Variants in SLC22A24 observed in about 807,000 individuals in gnomAD.
SLC22A24 encodes the protein steroid transmembrane transporter SLC22A24.
Under a neutral mutation model 49.8 loss-of-function variants are expected in SLC22A24, and 53 were observed. The observed-to-expected ratio is 1.06, with a 90% confidence interval of 0.85 to 1.34. The LOEUF (loss-of-function observed/expected upper bound fraction) is 1.34. SLC22A24 is among the 40% of genes most tolerant of loss of function. The pLI is 0.00. For missense variants in SLC22A24, 786 were observed against 675.9 expected, an observed-to-expected ratio of 1.16 and a Z score of -1.81; for synonymous variants, 302 against 256.4, an observed-to-expected ratio of 1.18 and a Z score of -1.70.
At position 63,115,963 on chromosome 11, in the gene SLC22A24, G is replaced by A. The variant is rs375177565; in HGVS notation, c.830+2949C>T. 5.3e-4 allele frequency: 170 copies of A among 320,014 alleles called. 3 individuals carry two copies. The South Asian group carries it at 7.2e-3, about 14-fold the overall frequency. The allele number at this position is 320,014 out of a possible 1,614,324, so 19.8% of individuals were successfully genotyped here. A position where few individuals can be genotyped will look rare whatever the true frequency, so the allele number is the denominator to read the frequency against. ...GGAGCTGCAGCCTGGGCCTTGGTTT[G>A]ACCCTTGGCCTTTGGCTGGCACTGC... On this transcript the variant is annotated intron_variant, in intron 4 of 9. Transcript: ENST00000612278.
rs894621927 is a variant in SLC22A24, at chr11:63,144,128, G to T, written c.-349C>A. On this transcript the variant is annotated 5_prime_UTR_variant, in exon 1 of 10. Coordinates refer to ENST00000612278, the MANE Select transcript of SLC22A24 (RefSeq NM_001136506.2). ...TGATAAGTCAACGGTGGATTTTCAGGTGGATGCAGTCCCCACGTGACCTAA... is the reference window on the plus strand; with the variant it reads ...TGATAAGTCAACGGTGGATTTTCAGTTGGATGCAGTCCCCACGTGACCTAA... The T allele has an allele frequency of 5.5e-6, 1 of 182,970 alleles. No homozygotes were observed. Among genetic ancestry groups the T allele is most frequent in the Non-Finnish European group, 1.1e-5 (1 of 88,662 alleles). The allele number at this position is 182,970 out of a possible 1,614,324, so 11.3% of individuals were successfully genotyped here.
chr11:63,104,377 C>G (rs1271007646), intron 4 of SLC22A24, 79 bp from the exon 5 acceptor site: 1 of 1,414,570 alleles, frequency 7.1e-7, no homozygotes, highest in Admixed American at 2.5e-5. Flanking sequence ...TTCCTTTCCC[C>G]TTTGATTTAA....
At chr11:63,110,007 C>A (rs893040580) in intron 4 of SLC22A24, among the ~76,000 whole-genome samples, 18 of 152,104 alleles carry the variant, frequency 1.2e-4, no homozygotes, top group African/African-American at 4.3e-4. Context: ...TTTAATCCAT[C>A]TTGAATTGAT....
chr11:63,139,121 G>C (rs767004043), intron 1 of SLC22A24, among the ~76,000 whole-genome samples: 1 of 152,102 alleles, frequency 6.6e-6, no homozygotes, highest in African/African-American at 2.4e-5. Flanking sequence ...TCTCTTCTTG[G>C]AACTTGTTTT....
At chr11:63,091,173 T>C (rs1274618529) in intron 6 of SLC22A24, among the ~76,000 whole-genome samples, 1 of 152,224 alleles carries the variant, frequency 6.6e-6, no homozygotes, top group Non-Finnish European at 1.5e-5. Flanking sequence ...AATAAATTTC[T>C]GGACACACAC....
chr11:63,142,828 C>T (rs1373564998), intron 1 of SLC22A24, among the ~76,000 whole-genome samples: 1 of 152,068 alleles, frequency 6.6e-6, no homozygotes, highest in South Asian at 2.1e-4. Context: ...TGGCTGCCCC[C>T]CAACCACCAA....
intron 4 of SLC22A24, among the ~76,000 whole-genome samples, chr11:63,114,829 C>T (rs1254478902): frequency 6.6e-6 from 1 of 152,192 alleles, no homozygotes; most frequent in Non-Finnish European, 1.5e-5. Flanking sequence ...AGCTGCAGGT[C>T]TGTTGGAGTT....
rs550709193 is a variant in SLC22A24 at position 63,119,222 on chromosome 11, C to G, written c.620G>C (p.Gly207Ala). 3 of 1,549,784 alleles carry G rather than the reference C, an allele frequency of 1.9e-6. No individual in the cohort carries two copies. The highest frequency in any genetic ancestry group is 1.4e-5 in the African/African-American group (1 of 72,862). The change falls in exon 3 of 10, where the codon GGG (glycine) becomes GCG (alanine). Residue 207 changes from glycine to alanine, a missense_variant. Coordinates refer to ENST00000612278, the MANE Select transcript of SLC22A24 (RefSeq NM_001136506.2). Reference protein sequence around the residue: ...LVYCILRFLAGFSTMTILGNT... With the variant: ...LVYCILRFLAAFSTMTILGNT... ...TCCCAAAATAGTCATGGTGGAGAACCCTGCCAAGAAGCGCAGTATGCAGTA... is the reference window on the plus strand; with the variant it reads ...TCCCAAAATAGTCATGGTGGAGAACGCTGCCAAGAAGCGCAGTATGCAGTA...
At chr11:63,100,599 A>G (rs568618408) in intron 5 of SLC22A24, among the ~76,000 whole-genome samples, 7 of 152,300 alleles carry the variant, frequency 4.6e-5, no homozygotes, top group Admixed American at 1.3e-4. Flanking sequence ...TAGAATAGCC[A>G]AAGCTACTCT....
In SLC22A24 at chr11:63,143,438, C is replaced by T. The variant is rs1419483592; in HGVS notation, c.342G>A (p.Glu114=). 1.3e-6 allele frequency: 2 copies of T among 1,566,564 alleles called. No individual in the cohort carries two copies. Among genetic ancestry groups the T allele is most frequent in the Admixed American group, 1.9e-5 (1 of 53,560 alleles). Residue 114 remains glutamate, a synonymous_variant, in exon 1 of 10, where the codon GAG becomes GAA. Transcript: ENST00000612278. ...TFPNTNEPDT[E]PCVDGWVYDR... is the part of the protein sequence containing the mutation. ...CGTACACCCAGCCATCCACACAGGGCTCCGTGTCTGGCTCATTTGTGTTGG... is the reference window on the plus strand; with the variant it reads ...CGTACACCCAGCCATCCACACAGGGTTCCGTGTCTGGCTCATTTGTGTTGG...
rs147827646 is a variant in SLC22A24 at position 63,082,356 on chromosome 11, A to G, written c.1286-690T>C. Among the ~76,000 whole-genome samples, 25 of 152,356 alleles carry G rather than the reference A, an allele frequency of 1.6e-4. No homozygotes were observed. In the East Asian group the frequency reaches 4.2e-3, roughly 26 times the overall value. ...TGAAAATTCAAAAAGGTACTTTTTC[A>G]TCAATAAAAATATCAAAATAGGATT... is the stretch of plus-strand genomic sequence containing the variant. On this transcript the variant is annotated intron_variant, in intron 7 of 9. Coordinates refer to ENST00000612278, the MANE Select transcript of SLC22A24 (RefSeq NM_001136506.2).
intron 5 of SLC22A24, among the ~76,000 whole-genome samples, chr11:63,099,294 C>T (rs10897348): frequency 0.23 from 33,969 of 149,790 alleles, 4,744 homozygotes; most frequent in East Asian, 0.36. Flanking sequence ...ACCTTCCAGG[C>T]TGAGGTGATT....
intron 2 of SLC22A24, among the ~76,000 whole-genome samples, chr11:63,132,200 T>A (rs2087341288): frequency 6.6e-6 from 1 of 152,232 alleles, no homozygotes; most frequent in Non-Finnish European, 1.5e-5. Context: ...TTCAAGGTTT[T>A]TAGCTTCCTT....
intron 5 of SLC22A24, among the ~76,000 whole-genome samples, chr11:63,103,973 A>T (rs907806903): frequency 1.2e-4 from 18 of 152,284 alleles, no homozygotes; most frequent in African/African-American, 4.3e-4. Context: ...TAATTAAACA[A>T]TTATATCCAC....
chr11:63,106,212 T>G (rs1442912348), intron 4 of SLC22A24, among the ~76,000 whole-genome samples: 1 of 151,992 alleles, frequency 6.6e-6, no homozygotes, highest in Admixed American at 6.6e-5. Flanking sequence ...GATAGTTTGC[T>G]GAGAACGATG....
chr11:63,133,134 A>T (rs1315602516), intron 2 of SLC22A24, among the ~76,000 whole-genome samples: 2 of 152,044 alleles, frequency 1.3e-5, no homozygotes, highest in Non-Finnish European at 2.9e-5. Context: ...CATGCGAGGG[A>T]ATCTCCTGAT....
chr11:63,097,220 C>T (rs1590732623), intron 5 of SLC22A24, among the ~76,000 whole-genome samples: 2 of 86,016 alleles, frequency 2.3e-5, no homozygotes, highest in South Asian at 1.0e-3. Context: ...GGAACTTAAA[C>T]AAATTTACAA....
intron 2 of SLC22A24, among the ~76,000 whole-genome samples, chr11:63,127,918 C>T (rs2087303829): frequency 6.6e-6 from 1 of 151,792 alleles, no homozygotes; most frequent in Non-Finnish European, 1.5e-5. Context: ...TGTAGGTTGC[C>T]TGTTCACTCT....
chr11:63,104,840 A>T (rs1350213077), intron 4 of SLC22A24, among the ~76,000 whole-genome samples: 1 of 152,136 alleles, frequency 6.6e-6, no homozygotes, highest in Non-Finnish European at 1.5e-5. Context: ...TTTCAAAACC[A>T]ATTATGCCTT....
Sources: allele counts gnomAD v4.1 joint callset (sites outside exome capture counted in the v4.1 genomes callset), GRCh38; gene constraint gnomAD v4.1.1; transcripts MANE v1.5; gene names NCBI Gene and HGNC (gene_info 2026-07-23, HGNC 2026-07-21).